TRPM7: variants seen among roughly 807,000 people sequenced by gnomAD.
TRPM7 encodes LTRPC ion channel family member 7.
In TRPM7, 134 loss-of-function variants were observed where a neutral mutation model predicts 229.7. That is an observed-to-expected ratio of 0.58 (90% confidence interval 0.51 to 0.67). The LOEUF (loss-of-function observed/expected upper bound fraction) is 0.67, where lower values mean the gene tolerates loss of function less well. Among genes scored for constraint, TRPM7 ranks in the 30% least tolerant of loss-of-function variants. The pLI is 0.00. For synonymous variants in TRPM7, 699 were observed against 715.2 expected (o/e 0.98, Z 0.36); for missense variants, 1,901 against 2,210.0 (o/e 0.86, Z 2.80).
chr15:50,646,064 C>G (rs1047102862), intron 4 of TRPM7, among the ~76,000 whole-genome samples: 2 of 149,772 alleles, frequency 1.3e-5, no homozygotes, highest in Admixed American at 6.7e-5. Flanking sequence ...TTGCAGTGAG[C>G]TGAGATCGCG....
At chr15:50,648,114 C>T (rs2061320848) in intron 4 of TRPM7, among the ~76,000 whole-genome samples, 1 of 150,282 alleles carries the variant, frequency 6.7e-6, no homozygotes, top group South Asian at 2.1e-4. Flanking sequence ...ATGATTTAAA[C>T]TATACAAGAG....
intron 1 of TRPM7, among the ~76,000 whole-genome samples, chr15:50,678,258 C>CA (rs1247410683): frequency 8.1e-5 from 9 of 111,508 alleles, no homozygotes; most frequent in Non-Finnish European, 1.4e-4. Context: ...AAAACAAAAA[C>CA]AAAAACAAAA....
At chr15:50,621,247 A>G (rs1264634078) in intron 12 of TRPM7, among the ~76,000 whole-genome samples, 3 of 151,908 alleles carry the variant, frequency 2.0e-5, no homozygotes, top group African/African-American at 7.2e-5. Flanking sequence ...CCACAGGTGA[A>G]CTTTTTAAAA....
intron 1 of TRPM7, among the ~76,000 whole-genome samples, chr15:50,681,264 T>TACACACACACACACACACACAC (rs72070923): frequency 0.011 from 1,583 of 146,928 alleles, 30 homozygotes; most frequent in African/African-American, 0.033. Context: ...AATAAATAAA[T>TACACACACACACACACACACAC]ACACACACAC....
At chr15:50,658,645 T>C (rs1476014340) in intron 2 of TRPM7, among the ~76,000 whole-genome samples, 1 of 151,892 alleles carries the variant, frequency 6.6e-6, no homozygotes, top group East Asian at 1.9e-4. Flanking sequence ...GAGTATATAT[T>C]TATATAATCC....
chr15:50,624,025 C>T (rs956945935), intron 12 of TRPM7, 141 bp downstream of exon 12: 6 of 794,360 alleles, frequency 7.6e-6, no homozygotes, highest in Non-Finnish European at 1.1e-5. Flanking sequence ...ACAACCAATC[C>T]ATACTAAGAC....
rs756387579 is a variant in TRPM7 at position 50,574,267 on chromosome 15, A to C, written c.5308+7T>G. On this transcript the variant is annotated splice_region_variant and intron_variant, in intron 36 of 38. Coordinates refer to ENST00000646667, the MANE Select transcript of TRPM7 (RefSeq NM_017672.6). ...ATTTCACCTTAGCAATATTTTAATA[A>C]ATTTACCTTGCAAATCAAGTACCAG... 6.2e-7 allele frequency: 1 copy of C among 1,610,260 alleles called. No homozygotes were observed. Among genetic ancestry groups the C allele is most frequent in the Non-Finnish European group, 8.5e-7 (1 of 1,176,566 alleles).
Position 50,618,241 on chromosome 15 carries a change from C to G in TRPM7, c.1494+1504G>C, listed in dbSNP as rs867146924. On this transcript the variant is annotated intron_variant, in intron 13 of 38. Transcript: ENST00000646667. ...GCCACAGAATAGCCTGAGATCATGA[C>G]AGTGTTATGCGTTCATCACCACCAA... 2.0e-5 allele frequency among the ~76,000 whole-genome samples: 3 copies of G among 152,022 alleles called. No individual in the cohort carries two copies. The South Asian group carries it at 6.2e-4, about 32-fold the overall frequency.
intron 4 of TRPM7, among the ~76,000 whole-genome samples, chr15:50,646,110 C>CA (rs67338843): frequency 1.5e-3 from 169 of 116,514 alleles, no homozygotes; most frequent in Middle Eastern, 8.7e-3. Flanking sequence ...GAGCGAGTCT[C>CA]AAAAAAAAAA....
At chr15:50,621,157 CAAAAA>C (rs35848629) in intron 12 of TRPM7, among the ~76,000 whole-genome samples, 1 of 51,826 alleles carries the variant, frequency 1.9e-5, no homozygotes, top group Non-Finnish European at 3.9e-5. Flanking sequence ...GACTCCGTCT[CAAAAA>C]AAAAAAAAAA....
At chr15:50,686,376 C>T (rs1006869744) in intron 1 of TRPM7, among the ~76,000 whole-genome samples, 155 bp downstream of exon 1, 12 of 152,258 alleles carry the variant, frequency 7.9e-5, no homozygotes, top group African/African-American at 2.7e-4. Context: ...GAACTGCACA[C>T]CCGTCCCGAG....
intron 20 of TRPM7, among the ~76,000 whole-genome samples, chr15:50,605,799 T>C (rs2059904141): frequency 2.0e-5 from 3 of 152,254 alleles, no homozygotes; most frequent in African/African-American, 7.2e-5. Context: ...AATTTGCTTT[T>C]ATCATTTAAC....
intron 4 of TRPM7, 66 bp downstream of exon 4, chr15:50,648,619 TAC>T: frequency 7.1e-7 from 1 of 1,418,296 alleles, no homozygotes. Flanking sequence ...TCAATATTGC[TAC>T]ACAAATTGTG....
rs753247116 is a variant in TRPM7, at chr15:50,639,556, T to TA, written c.536-9dup. 3 of 1,597,718 alleles carry TA rather than the reference T, an allele frequency of 1.9e-6. No homozygotes were observed. The highest frequency in any genetic ancestry group is 1.1e-5 in the South Asian group (1 of 87,530). On this transcript the variant is annotated splice_polypyrimidine_tract_variant and intron_variant, in intron 5 of 38. Transcript: ENST00000646667. ...CAACATGTTTTGCCACACCTGTTCA[T>TA]AAAAAAAGTTTATTCATTTTGTTTT...
In TRPM7 at chr15:50,672,656, C is replaced by T. The variant is rs187810328; in HGVS notation, c.4-9610G>A. On this transcript the variant is annotated intron_variant, in intron 1 of 38. Transcript: ENST00000646667. ...CAGGTGCGGTGGCTCACGCCTGTAA[C>T]CCCAGCACTTTGGGAGGCTGAGGCA... 5.9e-5 allele frequency among the ~76,000 whole-genome samples: 9 copies of T among 151,624 alleles called. No homozygotes were observed. In the East Asian group the frequency reaches 1.6e-3, roughly 26 times the overall value.
At chr15:50,628,757 G>A (rs1385969006) in intron 10 of TRPM7, among the ~76,000 whole-genome samples, 1 of 152,158 alleles carries the variant, frequency 6.6e-6, no homozygotes, top group Non-Finnish European at 1.5e-5. Flanking sequence ...CCCATTCATT[G>A]CAAACATTTA....
At chr15:50,655,888 G>T (rs1344687120) in intron 3 of TRPM7, among the ~76,000 whole-genome samples, 3 of 151,976 alleles carry the variant, frequency 2.0e-5, no homozygotes, top group Non-Finnish European at 4.4e-5. Flanking sequence ...TTCTGGGGAG[G>T]CTGAGGCAGG....
chr15:50,594,939 T>C (rs1455703659), intron 23 of TRPM7, among the ~76,000 whole-genome samples: 2 of 152,190 alleles, frequency 1.3e-5, no homozygotes, highest in Non-Finnish European at 2.9e-5. Flanking sequence ...TGGTGGTTCA[T>C]GTCTATAATC....
intron 5 of TRPM7, among the ~76,000 whole-genome samples, chr15:50,639,780 T>A (rs1193642745): frequency 6.6e-6 from 1 of 151,640 alleles, no homozygotes; most frequent in Non-Finnish European, 1.5e-5. Context: ...CTTGAACTCT[T>A]GGGCTCATGC....
Sources: gnomAD v4.1 joint callset for allele counts (sites outside exome capture counted in the v4.1 genomes callset) on GRCh38, gnomAD v4.1.1 for gene constraint, MANE v1.5 for transcripts, NCBI Gene and HGNC (gene_info 2026-07-23, HGNC 2026-07-21) for gene names.